Variants in SNTG1 observed in about 807,000 individuals in gnomAD.
The protein encoded by SNTG1 is gamma-1-syntrophin.
In SNTG1, 39 loss-of-function variants were observed where a neutral mutation model predicts 74.7. That is an observed-to-expected ratio of 0.52 (90% CI 0.40 to 0.68). The LOEUF (loss-of-function observed/expected upper bound fraction) is 0.68, where lower values mean the gene tolerates loss of function less well. Among genes scored for constraint, SNTG1 ranks in the 30% least tolerant of loss-of-function variants. The probability of loss-of-function intolerance (pLI) is 0.00; values close to 1 mark genes in which losing one functional copy is unlikely to be tolerated. For synonymous variants in SNTG1, 254 were observed against 217.1 expected, an observed-to-expected ratio of 1.17 and a Z score of -1.49; for missense variants, 685 against 609.5, an observed-to-expected ratio of 1.12 and a Z score of -1.30.
chr8:50,592,733 A>G (rs1038944970), intron 13 of SNTG1, among the ~76,000 whole-genome samples: 1 of 152,208 alleles, frequency 6.6e-6, no homozygotes, highest in Admixed American at 6.5e-5. Flanking sequence ...CAAATCCAAA[A>G]TTATATAATT....
intron 2 of SNTG1, among the ~76,000 whole-genome samples, chr8:50,331,462 G>A (rs1285715332): frequency 1.3e-5 from 2 of 152,186 alleles, no homozygotes; most frequent in Non-Finnish European, 2.9e-5. Context: ...TTTAAGGAGA[G>A]CTAGCAAGTC....
chr8:50,320,537 G>GTT lies in SNTG1; in HGVS notation c.-27-73667_-27-73666dup, dbSNP rs35620325. ...TAATTCTTCTCTGATCTTTATTATT[G>GTT]TTTTTTTTTACTACTTTTGTGTTTG... On this transcript the variant is annotated intron_variant, in intron 2 of 18. Coordinates refer to ENST00000642720, the MANE Select transcript of SNTG1 (RefSeq NM_018967.5). Among the ~76,000 whole-genome samples the GTT allele has an allele frequency of 1.0e-3, 151 of 149,422 alleles. 1 individual carries two copies. The highest frequency in any genetic ancestry group is 2.7e-3 in the South Asian group (13 of 4,760).
At chr8:50,493,411 C>A (rs1563471106) in intron 8 of SNTG1, among the ~76,000 whole-genome samples, 1 of 152,228 alleles carries the variant, frequency 6.6e-6, no homozygotes, top group South Asian at 2.1e-4. Context: ...TGGGACTTTT[C>A]TAATGTTTGT....
chr8:50,140,618 T>G (rs1040680183), intron 1 of SNTG1, among the ~76,000 whole-genome samples: 1 of 152,076 alleles, frequency 6.6e-6, no homozygotes, highest in African/African-American at 2.4e-5. Flanking sequence ...TGTGGATGGG[T>G]GGGTGTGAGT....
intron 2 of SNTG1, among the ~76,000 whole-genome samples, chr8:50,208,850 T>C (rs918235584): frequency 2.0e-5 from 3 of 152,132 alleles, no homozygotes; most frequent in Non-Finnish European, 4.4e-5. Context: ...AGATGGGTGA[T>C]TTCTGCATTT....
intron 2 of SNTG1, among the ~76,000 whole-genome samples, chr8:50,215,866 ACTT>A (rs964118335): frequency 8.5e-5 from 13 of 152,290 alleles, no homozygotes; most frequent in African/African-American, 2.9e-4. Context: ...AATGCAAAAA[ACTT>A]CTTATGAGTA....
chr8:50,026,717 G>GTA (rs1286164330), intron 1 of SNTG1, among the ~76,000 whole-genome samples: 1 of 151,916 alleles, frequency 6.6e-6, no homozygotes, highest in African/African-American at 2.4e-5. Flanking sequence ...GTGTGTGTGT[G>GTA]TATCCTAAAA....
intron 1 of SNTG1, among the ~76,000 whole-genome samples, chr8:49,938,942 T>G (rs940626341): frequency 6.6e-6 from 1 of 152,022 alleles, no homozygotes; most frequent in African/African-American, 2.4e-5. Context: ...TCCACAGTGG[T>G]GCCCTATCAC....
In SNTG1 at chr8:50,724,914, T is replaced by C. The variant is rs192410613; in HGVS notation, c.1284+15936T>C. 2.3e-4 allele frequency among the ~76,000 whole-genome samples: 35 copies of C among 152,236 alleles called. No individual in the cohort carries two copies. In the East Asian group the frequency reaches 6.4e-3, roughly 28 times the overall value. Reference sequence around the variant, plus strand: ...TAAAACTTTTATTCTACAAATGGGATGGAAAAAACAGTTATTAGAGTTAAC... The same window carrying C: ...TAAAACTTTTATTCTACAAATGGGACGGAAAAAACAGTTATTAGAGTTAAC... On this transcript the variant is annotated intron_variant, in intron 17 of 18. Coordinates refer to ENST00000642720, the MANE Select transcript of SNTG1 (RefSeq NM_018967.5).
intron 9 of SNTG1, among the ~76,000 whole-genome samples, chr8:50,524,874 T>A (rs1405396269): frequency 6.6e-6 from 1 of 152,170 alleles, no homozygotes; most frequent in East Asian, 1.9e-4. Context: ...ATAGTTATTT[T>A]TCACAGTTTT....
At chr8:50,753,216 C>T (rs1283936239) in intron 18 of SNTG1, among the ~76,000 whole-genome samples, 2 of 151,968 alleles carry the variant, frequency 1.3e-5, no homozygotes, top group Non-Finnish European at 2.9e-5. Flanking sequence ...CTTTCTCTAC[C>T]TCTCGCTACT....
intron 3 of SNTG1, among the ~76,000 whole-genome samples, chr8:50,394,858 T>TTC: frequency 6.6e-6 from 1 of 151,928 alleles, no homozygotes; most frequent in East Asian, 1.9e-4. Context: ...TTTTTTTTTT[T>TTC]TTTTACTAAA....
At chr8:50,730,167 G>C (rs912364233) in intron 17 of SNTG1, among the ~76,000 whole-genome samples, 13 of 152,072 alleles carry the variant, frequency 8.5e-5, no homozygotes, top group Non-Finnish European at 1.3e-4. Flanking sequence ...TTGAATGAAA[G>C]AAAGTGATTT....
At chr8:50,355,556 G>A (rs1024740001) in intron 2 of SNTG1, among the ~76,000 whole-genome samples, 6 of 152,060 alleles carry the variant, frequency 3.9e-5, no homozygotes, top group African/African-American at 1.4e-4. Flanking sequence ...ACCTTTTCAG[G>A]TTCAAAAAAT....
At chr8:50,480,362 A>G (rs2093730196) in intron 8 of SNTG1, among the ~76,000 whole-genome samples, 1 of 152,082 alleles carries the variant, frequency 6.6e-6, no homozygotes, top group Non-Finnish European at 1.5e-5. Context: ...TGAATGGGGC[A>G]TTGTCATTCG....
At chr8:49,925,985 T>G (rs1563354869) in intron 1 of SNTG1, among the ~76,000 whole-genome samples, 1 of 152,168 alleles carries the variant, frequency 6.6e-6, no homozygotes, top group Admixed American at 6.5e-5. Context: ...TAACAATATA[T>G]TTTGAGAAGG....
intron 15 of SNTG1, among the ~76,000 whole-genome samples, chr8:50,689,088 GAAC>G (rs1413188220): frequency 8.5e-5 from 2 of 23,582 alleles, no homozygotes; most frequent in Non-Finnish European, 1.5e-4. Context: ...GAATGTTTGT[GAAC>G]ATTGATTTTG....
chr8:49,989,299 G>T (rs1290531810), intron 1 of SNTG1, among the ~76,000 whole-genome samples: 1 of 151,712 alleles, frequency 6.6e-6, no homozygotes, highest in Admixed American at 6.6e-5. Flanking sequence ...TAAAGAGAAT[G>T]ATAAATTAGT....
At chr8:50,268,653 A>AT (rs1563822884) in intron 2 of SNTG1, among the ~76,000 whole-genome samples, 1 of 95,796 alleles carries the variant, frequency 1.0e-5, no homozygotes, top group East Asian at 5.7e-4. Context: ...ATACATATTC[A>AT]ATTTTTTTTT....
Sources: allele counts gnomAD v4.1 joint callset (sites outside exome capture counted in the v4.1 genomes callset), GRCh38; gene constraint gnomAD v4.1.1; transcripts MANE v1.5; gene names NCBI Gene and HGNC (gene_info 2026-07-23, HGNC 2026-07-21).